The following RIT2 variants were observed in gnomAD, a reference collection of about 807,000 sequenced individuals.
The protein encoded by RIT2 is Ras like without CAAX 2, also known as GTP-binding protein Rit2.
RIT2 carries 24 observed loss-of-function variants against 23.7 expected under a neutral mutation model. That is an observed-to-expected ratio of 1.01 (90% confidence interval 0.73 to 1.43). The LOEUF is 1.43. Among genes scored for constraint, RIT2 ranks in the 40% most tolerant of loss-of-function variants. The pLI, the probability that RIT2 is intolerant of heterozygous loss-of-function variation, is 0.00. For missense variants in RIT2, 236 were observed against 266.9 expected (o/e 0.88, Z 0.81); for synonymous variants, 107 against 91.1 (o/e 1.17, Z -0.99).
chr18:42,903,575 T>TCCCC (rs1167534409), intron 4 of RIT2, among the ~76,000 whole-genome samples: 1 of 152,070 alleles, frequency 6.6e-6, no homozygotes, highest in East Asian at 1.9e-4. Context: ...TTTACAAAAA[T>TCCCC]ATAAATTATC....
At chr18:42,878,101 C>T (rs1047155458) in intron 4 of RIT2, among the ~76,000 whole-genome samples, 3 of 148,414 alleles carry the variant, frequency 2.0e-5, no homozygotes, top group Admixed American at 6.8e-5. Context: ...CATACACACA[C>T]ATATATATAT....
intron 4 of RIT2, among the ~76,000 whole-genome samples, chr18:42,821,966 A>G (rs1438820236): frequency 6.6e-6 from 1 of 152,166 alleles, no homozygotes; most frequent in African/African-American, 2.4e-5. Context: ...AATGGGAGGA[A>G]GGAGAGGGAG....
At chr18:43,029,954 T>C (rs1247362564) in intron 2 of RIT2, among the ~76,000 whole-genome samples, 4 of 152,016 alleles carry the variant, frequency 2.6e-5, no homozygotes, top group African/African-American at 9.7e-5. Flanking sequence ...TCACCAGGAC[T>C]CTAAAGTTAC....
rs1018201935 is a variant in RIT2, at chr18:42,977,697, A to T, written c.161-3550T>A. On this transcript the variant is annotated intron_variant, in intron 2 of 4. Transcript: ENST00000326695. ...GTGGGAGACATACATATAAACACATATATACAATGGGATGTCAAAATCACA... is the reference window on the plus strand; with the variant it reads ...GTGGGAGACATACATATAAACACATTTATACAATGGGATGTCAAAATCACA... Among the ~76,000 whole-genome samples the T allele has an allele frequency of 4.6e-5, 7 of 151,566 alleles. No individual in the cohort carries two copies. The East Asian group carries it at 1.2e-3, about 25-fold the overall frequency.
At chr18:43,075,314 C>A (rs1204237404) in intron 1 of RIT2, among the ~76,000 whole-genome samples, 1 of 152,024 alleles carries the variant, frequency 6.6e-6, no homozygotes, top group Non-Finnish European at 1.5e-5. Context: ...ATATATGATA[C>A]TAGCAAAAGA....
chr18:42,761,300 C>G (rs865980989), intron 4 of RIT2, among the ~76,000 whole-genome samples: 1 of 152,130 alleles, frequency 6.6e-6, no homozygotes, highest in African/African-American at 2.4e-5. Flanking sequence ...AACTCCCAGT[C>G]TCCACTTCAA....
intron 4 of RIT2, among the ~76,000 whole-genome samples, chr18:42,826,539 T>C (rs886654188): frequency 6.6e-6 from 1 of 152,108 alleles, no homozygotes; most frequent in African/African-American, 2.4e-5. Flanking sequence ...GCTAGCATCA[T>C]GTTTTAATGT....
intron 3 of RIT2, among the ~76,000 whole-genome samples, chr18:42,972,209 A>G (rs1048638904): frequency 6.6e-6 from 1 of 151,932 alleles, no homozygotes; most frequent in African/African-American, 2.4e-5. Context: ...TTCCTCTTAG[A>G]TAAGATAGCC....
At chr18:42,769,502 G>T (rs1861345884) in intron 4 of RIT2, among the ~76,000 whole-genome samples, 1 of 152,036 alleles carries the variant, frequency 6.6e-6, no homozygotes, top group African/African-American at 2.4e-5. Flanking sequence ...ATGGGAGCCT[G>T]ATACCTTTTA....
chr18:42,868,127 C>G (rs1245135812), intron 4 of RIT2, among the ~76,000 whole-genome samples: 1 of 152,208 alleles, frequency 6.6e-6, no homozygotes, highest in Non-Finnish European at 1.5e-5. Flanking sequence ...TATTTTTCCA[C>G]ACGTGCATAT....
intron 4 of RIT2, among the ~76,000 whole-genome samples, chr18:42,852,989 G>A (rs1268058462): frequency 2.0e-5 from 3 of 151,860 alleles, no homozygotes; most frequent in African/African-American, 4.8e-5. Flanking sequence ...GTCCACCACC[G>A]TGCCTAGCTA....
In RIT2 at chr18:43,098,133, A is replaced by G. The variant is rs534798713; in HGVS notation, c.103+17284T>C. Among the ~76,000 whole-genome samples the G allele has an allele frequency of 1.2e-4, 18 of 152,130 alleles. No individual in the cohort carries two copies. The South Asian group carries it at 3.5e-3, about 30-fold the overall frequency. ...TCAAATTGAACAAAATACTGAAGCT[A>G]TAACCTGGTTCCTTAAATTCTCTTT... is the stretch of plus-strand genomic sequence containing the variant. On this transcript the variant is annotated intron_variant, in intron 1 of 4. Coordinates refer to ENST00000326695, the MANE Select transcript of RIT2 (RefSeq NM_002930.4).
At chr18:42,755,667 C>T (rs78513276) in intron 4 of RIT2, among the ~76,000 whole-genome samples, 8 of 152,278 alleles carry the variant, frequency 5.3e-5, no homozygotes, top group Non-Finnish European at 2.9e-5. Context: ...CATCTCTCTA[C>T]CTGATCTCCA....
chr18:43,024,968 G>C (rs1568059225), intron 2 of RIT2, among the ~76,000 whole-genome samples: 1 of 152,010 alleles, frequency 6.6e-6, no homozygotes, highest in Non-Finnish European at 1.5e-5. Context: ...AGAACTTTGG[G>C]AGGCCAAGGC....
intron 4 of RIT2, among the ~76,000 whole-genome samples, chr18:42,913,418 A>C (rs1220848760): frequency 1.3e-5 from 2 of 152,056 alleles, no homozygotes; most frequent in Admixed American, 6.6e-5. Flanking sequence ...TTTACTCTGT[A>C]AAAGATCCCA....
At chr18:43,092,635 G>A (rs1022127255) in intron 1 of RIT2, among the ~76,000 whole-genome samples, 1 of 151,988 alleles carries the variant, frequency 6.6e-6, no homozygotes, top group Non-Finnish European at 1.5e-5. Context: ...AAACTGAGAG[G>A]ACCATGGTTG....
At chr18:42,939,934 C>A (rs146278148) in intron 3 of RIT2, among the ~76,000 whole-genome samples, 2 of 151,836 alleles carry the variant, frequency 1.3e-5, no homozygotes, top group African/African-American at 4.8e-5. Context: ...TACATGTACA[C>A]GGCAATTTGC....
intron 2 of RIT2, among the ~76,000 whole-genome samples, chr18:42,988,463 T>C (rs1910766469): frequency 6.6e-6 from 1 of 152,162 alleles, no homozygotes; most frequent in African/African-American, 2.4e-5. Context: ...TCTGACCGTG[T>C]TGGTGAGTAT....
At chr18:42,921,508 G>T (rs1309011209) in intron 4 of RIT2, among the ~76,000 whole-genome samples, 1 of 152,112 alleles carries the variant, frequency 6.6e-6, no homozygotes, top group Non-Finnish European at 1.5e-5. Flanking sequence ...TGGGATAGGG[G>T]TTCTGATAAA....
Sources: allele counts gnomAD v4.1 joint callset (sites outside exome capture counted in the v4.1 genomes callset), GRCh38; gene constraint gnomAD v4.1.1; transcripts MANE v1.5; gene names NCBI Gene and HGNC (gene_info 2026-07-23, HGNC 2026-07-21).